EEPD1: variants seen among roughly 807,000 people sequenced by gnomAD.
EEPD1 encodes endonuclease/exonuclease/phosphatase family domain-containing protein 1.
EEPD1 carries 17 observed loss-of-function variants against 46.3 expected under a neutral mutation model. The observed-to-expected ratio is 0.37, with a 90% CI of 0.25 to 0.55. The LOEUF (loss-of-function observed/expected upper bound fraction) is 0.55, where lower values mean the gene tolerates loss of function less well. EEPD1 is among the 20% of genes least tolerant of loss of function. The pLI, the probability that EEPD1 is intolerant of heterozygous loss-of-function variation, is 0.83. For synonymous variants in EEPD1, 313 were observed against 315.6 expected (o/e 0.99, Z 0.09); for missense variants, 673 against 745.6 (o/e 0.90, Z 1.13).
chr7:36,199,197 G>T (rs1035812910), intron 2 of EEPD1, among the ~76,000 whole-genome samples: 1 of 152,110 alleles, frequency 6.6e-6, no homozygotes, highest in African/African-American at 2.4e-5. Context: ...CCAGCACAGA[G>T]TGACTCAGAC....
intron 3 of EEPD1, among the ~76,000 whole-genome samples, chr7:36,252,266 G>A (rs1786750836): frequency 6.6e-6 from 1 of 152,230 alleles, no homozygotes; most frequent in African/African-American, 2.4e-5. Context: ...TGGGGGCGCA[G>A]TTGCCTTTTG....
chr7:36,291,004 C>G (rs1787421553), intron 6 of EEPD1, among the ~76,000 whole-genome samples: 1 of 152,176 alleles, frequency 6.6e-6, no homozygotes, highest in African/African-American at 2.4e-5. Context: ...TGTAAGAAAT[C>G]CGATGTGCTC....
chr7:36,241,806 T>G (rs780993176), intron 3 of EEPD1, among the ~76,000 whole-genome samples: 125 of 152,120 alleles, frequency 8.2e-4, no homozygotes, highest in Non-Finnish European at 1.7e-3. Flanking sequence ...AGGCAGAGGT[T>G]GTGGTGAGCC....
intron 2 of EEPD1, among the ~76,000 whole-genome samples, chr7:36,219,800 A>AGTGTGTGTGTGT (rs1476592033): frequency 7.1e-4 from 47 of 66,594 alleles, no homozygotes; most frequent in South Asian, 1.2e-3. Context: ...AGAGAGAGAG[A>AGTGTGTGTGTGT]GAGAGAGTGT....
At chr7:36,287,606 C>G (rs2115884464) in intron 5 of EEPD1, 33 bp from the exon 6 acceptor site, 2 of 1,605,294 alleles carry the variant, frequency 1.2e-6, no homozygotes, top group Non-Finnish European at 1.7e-6. Flanking sequence ...AGCTTCTGAG[C>G]CTCTCCCTGT....
rs1787588021 is a variant in EEPD1, at chr7:36,299,772, G to GTT, written c.*566_*567insTT. The GTT allele has an allele frequency of 4.3e-5, 3 of 69,886 alleles. No individual in the cohort carries two copies. The highest frequency in any genetic ancestry group is 1.6e-4 in the African/African-American group (3 of 18,516). 4.3% of individuals were successfully genotyped at this position (69,886 alleles called of 1,614,324 possible). A position where few individuals can be genotyped will look rare whatever the true frequency, so the allele number is the denominator to read the frequency against. The stretch of plus-strand genomic sequence containing the variant: ...GACAAGTCCGCCACAGCCCTCCCCC[G>GTT]CCCCCTTCCCCCGCCCCCCAACGCG... On this transcript the variant is annotated 3_prime_UTR_variant, in exon 8 of 8. Coordinates refer to ENST00000242108, the MANE Select transcript of EEPD1 (RefSeq NM_030636.3).
intron 2 of EEPD1, among the ~76,000 whole-genome samples, chr7:36,217,893 T>TGG (rs1786058517): frequency 6.6e-6 from 1 of 152,248 alleles, no homozygotes; most frequent in South Asian, 2.1e-4. Flanking sequence ...GAATTTTGGC[T>TGG]GGAGTATTAA....
At position 36,154,727 on chromosome 7, in the gene EEPD1, C is replaced by T; in HGVS notation, c.403C>T (p.Pro135Ser). The change falls in exon 2 of 8, where the codon CCA (proline) becomes TCA (serine). Residue 135 changes from proline (P) to serine (S), a missense_variant. Physicochemically the swap from Pro to Ser is moderately conservative, Grantham distance 74. Transcript: ENST00000242108. The surrounding 1 kb of genome is among the most constrained non-coding windows in gnomAD (Gnocchi z 4.2). ...CCTGGCCACAGCTGTGCCCCTCACC[C>T]CACGTGTTAACATCAACACAGCCAC... ...HHLATAVPLT[P>S]RVNINTATPA... 6.2e-7 allele frequency: 1 copy of T among 1,614,038 alleles called. No individual in the cohort carries two copies. Among genetic ancestry groups the T allele is most frequent in the Non-Finnish European group, 8.5e-7 (1 of 1,180,024 alleles).
chr7:36,275,705 C>G, intron 3 of EEPD1, among the ~76,000 whole-genome samples: 1 of 152,168 alleles, frequency 6.6e-6, no homozygotes, highest in East Asian at 1.9e-4. Context: ...CGTGATCCAC[C>G]CGCTTCGCCC....
chr7:36,216,632 G>A (rs903677367), intron 2 of EEPD1, among the ~76,000 whole-genome samples: 4 of 152,132 alleles, frequency 2.6e-5, no homozygotes, highest in East Asian at 1.9e-4. Flanking sequence ...TCACCAAAGC[G>A]AAAAATGTGA....
At chr7:36,292,832 C>T (rs1278058195) in intron 6 of EEPD1, among the ~76,000 whole-genome samples, 6 of 152,100 alleles carry the variant, frequency 3.9e-5, no homozygotes, top group East Asian at 1.9e-4. Flanking sequence ...CTGATATTCT[C>T]CTGTGTCAGG....
At chr7:36,263,345 A>G (rs555053907) in intron 3 of EEPD1, among the ~76,000 whole-genome samples, 334 of 151,708 alleles carry the variant, frequency 2.2e-3, no homozygotes, top group South Asian at 0.01. Context: ...GAGGGGGGGG[A>G]AAAAGCAGAG....
At chr7:36,275,516 G>A (rs542369202) in intron 3 of EEPD1, among the ~76,000 whole-genome samples, 120 of 152,018 alleles carry the variant, frequency 7.9e-4, no homozygotes, top group African/African-American at 2.4e-3. Flanking sequence ...GCGCGATCTC[G>A]GCTCACTGCA....
At chr7:36,192,219 G>A (rs1458195453) in intron 2 of EEPD1, among the ~76,000 whole-genome samples, 2 of 152,198 alleles carry the variant, frequency 1.3e-5, no homozygotes, top group African/African-American at 2.4e-5. Flanking sequence ...GAGCAGTGAC[G>A]CATCCACAGC....
Position 36,154,100 on chromosome 7 carries a change from A to T in EEPD1, c.-192-33A>T, listed in dbSNP as rs531409772. 1 of 596,200 alleles carries T rather than the reference A, an allele frequency of 1.7e-6. No individual in the cohort carries two copies. Among genetic ancestry groups the T allele is most frequent in the East Asian group, 2.9e-5 (1 of 35,038 alleles). 36.9% of individuals were successfully genotyped at this position (596,200 alleles called of 1,614,324 possible). On this transcript the variant is annotated intron_variant, in intron 1 of 7. Coordinates refer to ENST00000242108, the MANE Select transcript of EEPD1 (RefSeq NM_030636.3). This position sits in a 1 kb window ranked among gnomAD's most constrained non-coding sequence, Gnocchi z 4.2. The stretch of plus-strand genomic sequence containing the variant: ...GTGCTAATGCAAATTTCTTAATTCA[A>T]TGGGTTTCTATGTTTATTGATTTAT...
In EEPD1 at chr7:36,154,859, A is replaced by C; in HGVS notation, c.535A>C (p.Arg179=). ...GPFRSVEDLV[R]MDGINAAFLD... ...CTTTCGCAGCGTTGAGGACCTAGTGAGGATGGATGGTATCAATGCCGCCTT... is the reference window on the plus strand; with the variant it reads ...CTTTCGCAGCGTTGAGGACCTAGTGCGGATGGATGGTATCAATGCCGCCTT... Residue 179 remains arginine (R), a synonymous_variant, in exon 2 of 8, where the codon AGG becomes CGG. Coordinates refer to ENST00000242108, the MANE Select transcript of EEPD1 (RefSeq NM_030636.3). This position sits in a 1 kb window ranked among gnomAD's most constrained non-coding sequence, Gnocchi z 4.2. 1 of 1,614,166 alleles carries C rather than the reference A, an allele frequency of 6.2e-7. No homozygotes were observed. The highest frequency in any genetic ancestry group is 8.5e-7 in the Non-Finnish European group (1 of 1,180,036).
chr7:36,280,047 G>A (rs145865233), intron 3 of EEPD1, among the ~76,000 whole-genome samples: 95 of 152,298 alleles, frequency 6.2e-4, no homozygotes, highest in Non-Finnish European at 1.2e-3. Flanking sequence ...GGTGGGAGGC[G>A]AGGAAGGAGT....
intron 2 of EEPD1, among the ~76,000 whole-genome samples, chr7:36,183,359 C>T (rs960833383): frequency 3.9e-5 from 6 of 152,284 alleles, no homozygotes; most frequent in Non-Finnish European, 8.8e-5. Context: ...AACGTGGTCA[C>T]GTCTCCCTGT....
At chr7:36,265,743 T>C (rs1034377086) in intron 3 of EEPD1, among the ~76,000 whole-genome samples, 3 of 152,150 alleles carry the variant, frequency 2.0e-5, no homozygotes, top group African/African-American at 4.8e-5. Flanking sequence ...CCTGTGTCTG[T>C]CTAACACATT....
Sources: gnomAD v4.1 joint callset for allele counts (sites outside exome capture counted in the v4.1 genomes callset) on GRCh38, gnomAD v4.1.1 for gene constraint, Gnocchi (gnomAD v3.1) non-coding constraint, MANE v1.5 for transcripts, NCBI Gene and HGNC (gene_info 2026-07-23, HGNC 2026-07-21) for gene names.